Variants in FAM135B observed in about 807,000 individuals in gnomAD.
The protein encoded by FAM135B is family with sequence similarity 135 member B.
A neutral mutation model predicts 127.7 loss-of-function variants in FAM135B; 43 were observed. The ratio of observed to expected loss-of-function variants is 0.34; its 90% confidence interval spans 0.26 to 0.43. FAM135B has a LOEUF of 0.43. Among genes scored for constraint, FAM135B ranks in the 20% least tolerant of loss-of-function variants. The probability of loss-of-function intolerance (pLI) is 1.00; values close to 1 mark genes in which losing one functional copy is unlikely to be tolerated. For missense variants in FAM135B, 1,558 were observed against 1,725.6 expected, an observed-to-expected ratio of 0.90 and a Z score of 1.72; for synonymous variants, 670 against 665.1, an observed-to-expected ratio of 1.01 and a Z score of -0.11.
At chr8:138,272,346 G>A (rs1234201366) in intron 3 of FAM135B, among the ~76,000 whole-genome samples, 1 of 152,270 alleles carries the variant, frequency 6.6e-6, no homozygotes, top group East Asian at 1.9e-4. Context: ...CCCAATGTTT[G>A]TTATAGTTCT....
At chr8:138,204,784 C>T (rs1817431445) in intron 7 of FAM135B, among the ~76,000 whole-genome samples, 1 of 152,144 alleles carries the variant, frequency 6.6e-6, no homozygotes, top group African/African-American at 2.4e-5. Context: ...CTGGGATAAA[C>T]ACTGATAACT....
At chr8:138,467,555 AC>A (rs1837445453) in intron 1 of FAM135B, among the ~76,000 whole-genome samples, 1 of 152,198 alleles carries the variant, frequency 6.6e-6, no homozygotes, top group African/African-American at 2.4e-5. Context: ...CTTAGACCTC[AC>A]TTCTAGTGCT....
At chr8:138,226,055 ATTATTC>A (rs1328576177) in intron 7 of FAM135B, among the ~76,000 whole-genome samples, 1 of 151,946 alleles carries the variant, frequency 6.6e-6, no homozygotes, top group Non-Finnish European at 1.5e-5. Flanking sequence ...TGGATAACTT[ATTATTC>A]TTATTATCTT....
intron 1 of FAM135B, among the ~76,000 whole-genome samples, chr8:138,425,998 TATATATATATATATAC>T (rs1404125818): frequency 4.7e-4 from 7 of 14,954 alleles, no homozygotes; most frequent in Non-Finnish European, 8.9e-4. Context: ...TATATATATA[TATATATATATATATAC>T]ACACACATAC....
intron 3 of FAM135B, chr8:138,308,902 T>G: frequency 2.7e-6 from 1 of 375,532 alleles, no homozygotes. Flanking sequence ...CTTCTAGGTC[T>G]CCTCTCCGAG....
intron 7 of FAM135B, among the ~76,000 whole-genome samples, chr8:138,229,973 GATTCGGGTGTGGACACACAGCCAA>G (rs1819789553): frequency 6.6e-6 from 1 of 152,196 alleles, no homozygotes; most frequent in South Asian, 2.1e-4. Flanking sequence ...TTCAAAGTGA[GATTCGGGTGTGGACACACAGCCAA>G]ACCATAGAAC....
rs1351148517 is a variant in FAM135B at position 138,152,747 on chromosome 8, A to G, written c.1728T>C (p.His576=). 5.6e-6 allele frequency: 9 copies of G among 1,614,186 alleles called. No homozygotes were observed. The highest frequency in any genetic ancestry group is 6.8e-6 in the Non-Finnish European group (8 of 1,180,024). The change falls in exon 13 of 20, where the codon CAT becomes CAC. Residue 576 remains histidine, a synonymous_variant. Coordinates refer to ENST00000395297, the MANE Select transcript of FAM135B (RefSeq NM_015912.4). The stretch of plus-strand genomic sequence containing the variant: ...ACTTATCTCTAGAGCTCCTACTCTC[A>G]TGCTGAGCATTGAAGGCCACCAGGG... ...AEPLVAFNAQ[H]ESRSSRDKYG...
At chr8:138,457,709 C>T (rs1010162016) in intron 1 of FAM135B, among the ~76,000 whole-genome samples, 42 of 152,144 alleles carry the variant, frequency 2.8e-4, no homozygotes, top group African/African-American at 4.8e-4. Context: ...TAGTGGCTCA[C>T]GCCTGTAATC....
chr8:138,390,473 T>A (rs1463416220), intron 1 of FAM135B, among the ~76,000 whole-genome samples: 2 of 152,186 alleles, frequency 1.3e-5, no homozygotes, highest in Non-Finnish European at 2.9e-5. Context: ...TGTGAGTCCA[T>A]CACACCTCTT....
chr8:138,381,335 GC>G (rs1261640149), intron 1 of FAM135B, among the ~76,000 whole-genome samples: 1 of 152,054 alleles, frequency 6.6e-6, no homozygotes, highest in Non-Finnish European at 1.5e-5. Context: ...GGCCCACCTT[GC>G]ACCTCTCTAC....
intron 2 of FAM135B, among the ~76,000 whole-genome samples, chr8:138,333,054 T>C (rs565201343): frequency 6.6e-6 from 1 of 152,158 alleles, no homozygotes; most frequent in Non-Finnish European, 1.5e-5. Context: ...TTAAAATATT[T>C]GGGAAAAAAA....
chr8:138,311,877 T>C (rs1393111702), intron 2 of FAM135B, among the ~76,000 whole-genome samples: 1 of 152,100 alleles, frequency 6.6e-6, no homozygotes, highest in Non-Finnish European at 1.5e-5. Context: ...GCAGCATGAG[T>C]GACACATTTC....
At chr8:138,206,262 G>A (rs78218588) in intron 7 of FAM135B, among the ~76,000 whole-genome samples, 769 of 7,538 alleles carry the variant, frequency 0.1, no homozygotes, top group South Asian at 0.13. Context: ...CCTACACACA[G>A]CTCTATCATC....
intron 1 of FAM135B, among the ~76,000 whole-genome samples, chr8:138,431,774 C>A (rs966697744): frequency 6.6e-6 from 1 of 152,174 alleles, no homozygotes; most frequent in Non-Finnish European, 1.5e-5. Context: ...CATTCTGTGG[C>A]CTTCAGGCTA....
chr8:138,388,351 G>T (rs1832343024), intron 1 of FAM135B, among the ~76,000 whole-genome samples: 1 of 152,168 alleles, frequency 6.6e-6, no homozygotes, highest in East Asian at 1.9e-4. Flanking sequence ...TGTATGAAAT[G>T]AAATATACTC....
At chr8:138,177,179 T>C (rs1357641031) in intron 11 of FAM135B, among the ~76,000 whole-genome samples, 168 bp downstream of exon 11, 4 of 152,190 alleles carry the variant, frequency 2.6e-5, no homozygotes, top group African/African-American at 9.7e-5. Context: ...AGCTCCCCAC[T>C]CTGCAATCTG....
intron 2 of FAM135B, among the ~76,000 whole-genome samples, chr8:138,359,952 A>G (rs1429629896): frequency 6.6e-6 from 1 of 152,196 alleles, no homozygotes; most frequent in African/African-American, 2.4e-5. Context: ...ATGAGCCTTC[A>G]CACTTTTACA....
chr8:138,271,638 C>CCA (rs1314887999), intron 3 of FAM135B, among the ~76,000 whole-genome samples: 9 of 152,176 alleles, frequency 5.9e-5, no homozygotes, highest in African/African-American at 2.2e-4. Context: ...TTTCATCTTT[C>CCA]CACACACGTT....
chr8:138,455,077 G>A (rs962161380), intron 1 of FAM135B, among the ~76,000 whole-genome samples: 3 of 152,220 alleles, frequency 2.0e-5, no homozygotes, highest in Non-Finnish European at 4.4e-5. Context: ...TGGGAACTGA[G>A]TGTGATTTTG....
Sources: allele counts gnomAD v4.1 joint callset (sites outside exome capture counted in the v4.1 genomes callset), GRCh38; gene constraint gnomAD v4.1.1; transcripts MANE v1.5; gene names NCBI Gene and HGNC (gene_info 2026-07-23, HGNC 2026-07-21).